Variants in JAKMIP2 observed in about 807,000 individuals in gnomAD.
The protein encoded by JAKMIP2 is janus kinase and microtubule-interacting protein 2.
JAKMIP2 carries 25 observed loss-of-function variants against 115.0 expected under a neutral mutation model. That is an observed-to-expected ratio of 0.22 (90% CI 0.16 to 0.30). The LOEUF (loss-of-function observed/expected upper bound fraction) is 0.30. JAKMIP2 is among the 10% of genes least tolerant of loss of function. The probability of loss-of-function intolerance (pLI) is 1.00; values close to 1 mark genes in which losing one functional copy is unlikely to be tolerated. For missense variants in JAKMIP2, 642 were observed against 957.6 expected, an observed-to-expected ratio of 0.67 and a Z score of 4.35; for synonymous variants, 334 against 343.6, an observed-to-expected ratio of 0.97 and a Z score of 0.31.
At chr5:147,660,926 C>G (rs757298530) in intron 3 of JAKMIP2, 22 bp downstream of exon 3, 6 of 1,611,354 alleles carry the variant, frequency 3.7e-6, no homozygotes, top group Non-Finnish European at 5.1e-6. Context: ...CTACATGGGT[C>G]TGATGGGATT....
intron 1 of JAKMIP2, among the ~76,000 whole-genome samples, chr5:147,702,427 AAGGAAGGAAGGT>A (rs1284804267): frequency 7.5e-6 from 1 of 133,690 alleles, no homozygotes; most frequent in African/African-American, 3.0e-5. Context: ...AAGAAAGAGG[AAGGAAGGAAGGT>A]AGGAAGGAAG....
At chr5:147,629,394 C>T (rs1307328287) in intron 15 of JAKMIP2, among the ~76,000 whole-genome samples, 7 of 152,124 alleles carry the variant, frequency 4.6e-5, no homozygotes, top group Admixed American at 4.6e-4. Context: ...ACACTGGATG[C>T]CTTTGAGCTA....
At chr5:147,711,974 T>C (rs1752800465) in intron 1 of JAKMIP2, among the ~76,000 whole-genome samples, 2 of 152,248 alleles carry the variant, frequency 1.3e-5, no homozygotes, top group Non-Finnish European at 2.9e-5. Flanking sequence ...TTCATGGTGT[T>C]GATAAAGATA....
intron 18 of JAKMIP2, among the ~76,000 whole-genome samples, chr5:147,619,088 C>T (rs1038113288): frequency 2.3e-4 from 35 of 151,954 alleles, no homozygotes; most frequent in Non-Finnish European, 3.8e-4. Context: ...CTTTTTCTTT[C>T]TTTTTTTGAT....
At chr5:147,608,794 A>G (rs1295672596) in intron 20 of JAKMIP2, among the ~76,000 whole-genome samples, 1 of 152,130 alleles carries the variant, frequency 6.6e-6, no homozygotes, top group East Asian at 1.9e-4. Context: ...TCCCACTATT[A>G]ACGTGTGTGA....
chr5:147,781,184 T>G (rs1377602883), intron 1 of JAKMIP2, among the ~76,000 whole-genome samples: 1 of 152,314 alleles, frequency 6.6e-6, no homozygotes, highest in East Asian at 1.9e-4. Context: ...CAGACTAATT[T>G]GGAAACGGCT....
At chr5:147,731,023 T>C (rs972861972) in intron 1 of JAKMIP2, among the ~76,000 whole-genome samples, 4 of 152,140 alleles carry the variant, frequency 2.6e-5, no homozygotes, top group African/African-American at 9.7e-5. Context: ...CATTGAATAA[T>C]TTTTTCTTTA....
chr5:147,673,150 T>C (rs1759722635), intron 1 of JAKMIP2, among the ~76,000 whole-genome samples: 1 of 152,086 alleles, frequency 6.6e-6, no homozygotes, highest in Non-Finnish European at 1.5e-5. Context: ...CTAATCAGAA[T>C]TGTGGCAAGA....
Position 147,586,975 on chromosome 5 carries a change from A to G in JAKMIP2, c.*4732T>C, listed in dbSNP as rs1353996033. 6.6e-6 allele frequency: 1 copy of G among 152,246 alleles called. No homozygotes were observed. The highest frequency in any genetic ancestry group is 1.9e-4 in the East Asian group (1 of 5,178). 9.4% of individuals were successfully genotyped at this position (152,246 alleles called of 1,614,324 possible). ...AAGGATTGTGAATCTGCCCTGCCCC[A>G]TTCTGAAATGGAATAATAGAATTTG... is the stretch of plus-strand genomic sequence containing the variant. On this transcript the variant is annotated 3_prime_UTR_variant, in exon 22 of 22. Coordinates refer to ENST00000616793, the MANE Select transcript of JAKMIP2 (RefSeq NM_001270941.2).
chr5:147,679,027 C>G (rs1014925480), intron 1 of JAKMIP2, among the ~76,000 whole-genome samples: 2 of 151,872 alleles, frequency 1.3e-5, no homozygotes, highest in Admixed American at 1.3e-4. Context: ...GTCACTCAGG[C>G]TGGAGTGCAG....
chr5:147,608,600 G>C (rs1249519785), intron 20 of JAKMIP2, among the ~76,000 whole-genome samples: 1 of 152,094 alleles, frequency 6.6e-6, no homozygotes, highest in East Asian at 1.9e-4. Flanking sequence ...TCAATTATAT[G>C]GTCGATTTTA....
intron 1 of JAKMIP2, among the ~76,000 whole-genome samples, chr5:147,722,157 C>A (rs1753337724): frequency 6.6e-6 from 1 of 152,142 alleles, no homozygotes; most frequent in Non-Finnish European, 1.5e-5. Flanking sequence ...TTTAAAAAAT[C>A]AACCGATTGC....
intron 1 of JAKMIP2, among the ~76,000 whole-genome samples, chr5:147,756,800 A>C (rs1254588481): frequency 6.6e-6 from 1 of 152,154 alleles, no homozygotes; most frequent in Non-Finnish European, 1.5e-5. Context: ...CCATCTGTTA[A>C]CACAGGTGCA....
At chr5:147,703,986 G>T (rs1297149165) in intron 1 of JAKMIP2, among the ~76,000 whole-genome samples, 1 of 152,026 alleles carries the variant, frequency 6.6e-6, no homozygotes, top group Non-Finnish European at 1.5e-5. Context: ...CCTGCACAGG[G>T]TCAGGGGTCA....
chr5:147,719,524 T>G lies in JAKMIP2; in HGVS notation c.-148-47570A>C, dbSNP rs567765429. On this transcript the variant is annotated intron_variant, in intron 1 of 21. Transcript: ENST00000616793. ...CACTCAGGACTTGCTTTATGAATCT[T>G]GGTGCTCCTGTGTTGGGTGCATATA... Among the ~76,000 whole-genome samples, 15 of 152,028 alleles carry G rather than the reference T, an allele frequency of 9.9e-5. 1 individual carries two copies. Among genetic ancestry groups the G allele is most frequent in the Middle Eastern group, 3.4e-3 (1 of 294 alleles).
Position 147,639,763 on chromosome 5 carries a change from T to G in JAKMIP2, c.1402-3A>C, listed in dbSNP as rs748037286. On this transcript the variant is annotated splice_region_variant and splice_polypyrimidine_tract_variant and intron_variant, in intron 9 of 21. Coordinates refer to ENST00000616793, the MANE Select transcript of JAKMIP2 (RefSeq NM_001270941.2). ...TCAGATTCTTCAGCTGCTAAACTCT[T>G]GAGGTTAAGAAAAAAAGCCCCAAAA... 22 of 1,604,108 alleles carry G rather than the reference T, an allele frequency of 1.4e-5. No individual in the cohort carries two copies. The highest frequency in any genetic ancestry group is 1.9e-5 in the Non-Finnish European group (22 of 1,178,458).
chr5:147,633,680 T>C (rs1283712978), intron 12 of JAKMIP2, among the ~76,000 whole-genome samples: 2 of 151,500 alleles, frequency 1.3e-5, no homozygotes, highest in Admixed American at 6.6e-5. Context: ...GGTTCATGTC[T>C]GAGTTATCTT....
At chr5:147,665,460 C>T (rs1221046847) in intron 2 of JAKMIP2, among the ~76,000 whole-genome samples, 1 of 152,178 alleles carries the variant, frequency 6.6e-6, no homozygotes, top group Non-Finnish European at 1.5e-5. Context: ...ATTTAGTCAT[C>T]TTCAATTTCT....
intron 17 of JAKMIP2, among the ~76,000 whole-genome samples, chr5:147,622,026 C>T (rs1418679370): frequency 1.3e-5 from 2 of 152,118 alleles, no homozygotes; most frequent in Non-Finnish European, 2.9e-5. Context: ...TGCCACCGCG[C>T]CCGGCTAATT....
Sources: allele counts gnomAD v4.1 joint callset (sites outside exome capture counted in the v4.1 genomes callset), GRCh38; gene constraint gnomAD v4.1.1; transcripts MANE v1.5; gene names NCBI Gene and HGNC (gene_info 2026-07-23, HGNC 2026-07-21).